Variants in CCSER1 observed in about 807,000 individuals in gnomAD.
CCSER1 encodes the protein serine-rich coiled-coil domain-containing protein 1.
CCSER1 carries 41 observed loss-of-function variants against 82.0 expected under a neutral mutation model. The observed-to-expected ratio is 0.50, with a 90% CI of 0.39 to 0.65. CCSER1 has a LOEUF of 0.65. Among genes scored for constraint, CCSER1 ranks in the 30% least tolerant of loss-of-function variants. CCSER1 has a pLI of 0.00. For missense variants in CCSER1, 1,119 were observed against 1,064.2 expected (o/e 1.05, Z -0.72); for synonymous variants, 414 against 383.9 (o/e 1.08, Z -0.92).
chr4:91,101,454 G>A (rs1403444181), intron 10 of CCSER1, among the ~76,000 whole-genome samples: 1 of 152,162 alleles, frequency 6.6e-6, no homozygotes, highest in Non-Finnish European at 1.5e-5. Context: ...GGTTGAGCAT[G>A]GTGAAACCCT....
chr4:90,835,204 G>A (rs1448734281), intron 8 of CCSER1, among the ~76,000 whole-genome samples: 2 of 152,008 alleles, frequency 1.3e-5, no homozygotes, highest in Non-Finnish European at 2.9e-5. Context: ...GGTGGTGGAC[G>A]CCTGTAGTCC....
intron 10 of CCSER1, among the ~76,000 whole-genome samples, chr4:91,435,415 TGAGTGACA>T (rs1424760095): frequency 1.3e-5 from 2 of 150,424 alleles, no homozygotes; most frequent in African/African-American, 2.4e-5. Flanking sequence ...CACTCCAGCC[TGAGTGACA>T]GAGTGAGACC....
At chr4:90,841,347 G>A (rs1190307894) in intron 8 of CCSER1, among the ~76,000 whole-genome samples, 2 of 152,068 alleles carry the variant, frequency 1.3e-5, no homozygotes, top group Non-Finnish European at 2.9e-5. Flanking sequence ...GGGAGGCCGA[G>A]GCGGGTAGAT....
chr4:90,347,218 T>A (rs1217661024), intron 3 of CCSER1, among the ~76,000 whole-genome samples: 1 of 152,160 alleles, frequency 6.6e-6, no homozygotes, highest in East Asian at 1.9e-4. Context: ...TTTACTTGTT[T>A]ATCAGGCTGC....
chr4:90,926,248 A>G (rs1316374901), intron 9 of CCSER1, among the ~76,000 whole-genome samples: 1 of 152,014 alleles, frequency 6.6e-6, no homozygotes, highest in Non-Finnish European at 1.5e-5. Flanking sequence ...ATAACTTGCA[A>G]ATTGTGTTTA....
chr4:90,409,281 G>A (rs547734189), intron 4 of CCSER1, among the ~76,000 whole-genome samples: 8 of 152,032 alleles, frequency 5.3e-5, no homozygotes, highest in African/African-American at 1.2e-4. Context: ...TACAGAGAAC[G>A]CCACAAAGAT....
chr4:90,932,326 A>T (rs1729926814), intron 9 of CCSER1, among the ~76,000 whole-genome samples: 1 of 152,158 alleles, frequency 6.6e-6, no homozygotes, highest in Non-Finnish European at 1.5e-5. Flanking sequence ...ATGGCTTTAT[A>T]GATTTGAATT....
At chr4:91,139,545 G>T (rs1333239687) in intron 10 of CCSER1, among the ~76,000 whole-genome samples, 1 of 152,134 alleles carries the variant, frequency 6.6e-6, no homozygotes, top group Non-Finnish European at 1.5e-5. Flanking sequence ...TGCAGAGAAG[G>T]GGACAAATGT....
At chr4:90,140,544 G>A (rs1039002877) in intron 1 of CCSER1, among the ~76,000 whole-genome samples, 1 of 150,782 alleles carries the variant, frequency 6.6e-6, no homozygotes, top group Non-Finnish European at 1.5e-5. Flanking sequence ...AGACAAACTT[G>A]TATCAATCTT....
intron 10 of CCSER1, among the ~76,000 whole-genome samples, chr4:91,182,427 C>T (rs1376260621): frequency 6.6e-6 from 1 of 152,148 alleles, no homozygotes; most frequent in African/African-American, 2.4e-5. Context: ...TAACATCTGG[C>T]CTTTGGGCAG....
At chr4:91,141,143 T>G (rs1452733381) in intron 10 of CCSER1, among the ~76,000 whole-genome samples, 3 of 151,310 alleles carry the variant, frequency 2.0e-5, no homozygotes, top group Non-Finnish European at 4.4e-5. Flanking sequence ...GCAAAGGATA[T>G]GATTTCATTC....
intron 8 of CCSER1, among the ~76,000 whole-genome samples, chr4:90,826,000 T>C (rs2149804005): frequency 6.6e-6 from 1 of 152,272 alleles, no homozygotes; most frequent in East Asian, 1.9e-4. Context: ...CAACAATTGT[T>C]TTTTATAAGG....
intron 10 of CCSER1, chr4:91,129,759 A>T (rs1279842761): frequency 6.6e-6 from 1 of 152,052 alleles, no homozygotes; most frequent in Non-Finnish European, 1.5e-5. Flanking sequence ...TCTATTCTGT[A>T]AAAATAGAAA....
At chr4:90,501,756 T>C (rs990756034) in intron 5 of CCSER1, among the ~76,000 whole-genome samples, 1 of 152,182 alleles carries the variant, frequency 6.6e-6, no homozygotes, top group Non-Finnish European at 1.5e-5. Flanking sequence ...GGAAACACAA[T>C]TAAGATGATC....
intron 10 of CCSER1, among the ~76,000 whole-genome samples, chr4:91,575,106 C>T (rs988887547): frequency 1.3e-5 from 2 of 151,832 alleles, no homozygotes; most frequent in Admixed American, 1.3e-4. Context: ...CAAGAATACA[C>T]AATGAGGAAA....
At chr4:91,051,885 ACTAGC>A (rs1202962921) in intron 9 of CCSER1, among the ~76,000 whole-genome samples, 215 of 152,270 alleles carry the variant, frequency 1.4e-3, no homozygotes, top group African/African-American at 5.0e-3. Context: ...AAAACAACTT[ACTAGC>A]AGTAATATCT....
intron 10 of CCSER1, among the ~76,000 whole-genome samples, chr4:91,398,800 T>C (rs1244929315): frequency 6.6e-6 from 1 of 151,518 alleles, no homozygotes; most frequent in Non-Finnish European, 1.5e-5. Context: ...AAAAGTCAGC[T>C]GATCTAAACC....
intron 9 of CCSER1, among the ~76,000 whole-genome samples, chr4:91,049,691 G>A (rs1742828820): frequency 6.6e-6 from 1 of 152,134 alleles, no homozygotes; most frequent in Admixed American, 6.5e-5. Context: ...CTGCACAAAT[G>A]ACCCAAAGAA....
At chr4:91,439,368 A>G (rs1272659196) in intron 10 of CCSER1, among the ~76,000 whole-genome samples, 1 of 152,102 alleles carries the variant, frequency 6.6e-6, no homozygotes, top group Non-Finnish European at 1.5e-5. Flanking sequence ...AGAATTTCAT[A>G]TCCAACCAAA....
Sources: allele counts gnomAD v4.1 joint callset (sites outside exome capture counted in the v4.1 genomes callset), GRCh38; gene constraint gnomAD v4.1.1; transcripts MANE v1.5; gene names NCBI Gene and HGNC (gene_info 2026-07-23, HGNC 2026-07-21).